The following NRG1 variants were observed in gnomAD, a reference collection of about 807,000 sequenced individuals.
The protein encoded by NRG1 is pro-neuregulin-1, membrane-bound isoform.
In NRG1, 18 loss-of-function variants were observed where a neutral mutation model predicts 63.8. The ratio of observed to expected loss-of-function variants is 0.28; its 90% CI spans 0.19 to 0.42. The LOEUF is 0.42. Ranked by LOEUF, NRG1 falls within the 10% of genes least tolerant of loss-of-function variation. The pLI, the probability that NRG1 is intolerant of heterozygous loss-of-function variation, is 1.00. For missense variants in NRG1, 762 were observed against 814.7 expected (o/e 0.94, Z 0.79); for synonymous variants, 302 against 301.3 (o/e 1.00, Z -0.02).
intron 11 of NRG1, among the ~76,000 whole-genome samples, chr8:32,762,471 C>T (rs1193168021): frequency 6.6e-6 from 1 of 152,106 alleles, no homozygotes; most frequent in Non-Finnish European, 1.5e-5. Flanking sequence ...ATTAGCATTT[C>T]TCAGAGAGCT....
At chr8:31,684,713 T>C (rs948856376) in intron 1 of NRG1, among the ~76,000 whole-genome samples, 4 of 152,156 alleles carry the variant, frequency 2.6e-5, no homozygotes, top group Admixed American at 2.0e-4. Context: ...TTACTGATCA[T>C]GTGCAGGACA....
At chr8:32,734,458 T>C (rs1466069525) in intron 6 of NRG1, among the ~76,000 whole-genome samples, 2 of 152,230 alleles carry the variant, frequency 1.3e-5, no homozygotes, top group Non-Finnish European at 2.9e-5. Context: ...TTTGTAGTAT[T>C]GCTGCTAACA....
intron 1 of NRG1, among the ~76,000 whole-genome samples, chr8:32,369,285 T>G (rs938886976): frequency 6.6e-6 from 1 of 152,260 alleles, no homozygotes; most frequent in African/African-American, 2.4e-5. Flanking sequence ...TCATTCATTG[T>G]GCAGTGTGGG....
chr8:32,421,431 A>T (rs1359615057), intron 1 of NRG1, among the ~76,000 whole-genome samples: 1 of 152,158 alleles, frequency 6.6e-6, no homozygotes, highest in Non-Finnish European at 1.5e-5. Context: ...TCTCTCTTTC[A>T]AATGGGAGAT....
At chr8:32,614,417 T>C in intron 3 of NRG1, 97 bp from the exon 4 acceptor site, 1 of 1,185,486 alleles carries the variant, frequency 8.4e-7, no homozygotes, top group Non-Finnish European at 1.3e-6. Flanking sequence ...AATACTTCCT[T>C]CCTTTACACT....
At chr8:32,499,889 A>G (rs1214513839) in intron 1 of NRG1, among the ~76,000 whole-genome samples, 2 of 152,130 alleles carry the variant, frequency 1.3e-5, no homozygotes, top group South Asian at 2.1e-4. Context: ...GAAAAGGGCA[A>G]TTGTGGTTCT....
intron 1 of NRG1, among the ~76,000 whole-genome samples, chr8:31,947,213 T>C (rs1443140079): frequency 1.9e-4 from 28 of 148,912 alleles, no homozygotes; most frequent in East Asian, 8.2e-4. Context: ...GGCAGGAGAA[T>C]GGCGTGAACC....
chr8:32,742,193 C>T lies in NRG1; in HGVS notation c.633-482C>T. 1.2e-6 allele frequency: 1 copy of T among 822,736 alleles called. No individual in the cohort carries two copies. The highest frequency in any genetic ancestry group is 1.5e-5 in the South Asian group (1 of 64,868). 51.0% of individuals were successfully genotyped at this position (822,736 alleles called of 1,614,324 possible). Reference sequence around the variant, plus strand: ...CATTTTGTTCTAATTATGGCTTAACCTCTCAAGGCATAAACCCATTCAGTG... The same window carrying T: ...CATTTTGTTCTAATTATGGCTTAACTTCTCAAGGCATAAACCCATTCAGTG... On this transcript the variant is annotated intron_variant, in intron 6 of 11. Transcript: ENST00000356819. The surrounding 1 kb of genome is among the most constrained non-coding windows in gnomAD (Gnocchi z 4.2).
chr8:32,628,553 A>C (rs554791014), intron 5 of NRG1, among the ~76,000 whole-genome samples: 1 of 152,212 alleles, frequency 6.6e-6, no homozygotes, highest in South Asian at 2.1e-4. Context: ...GTTTGGAGGG[A>C]AATAGATGAT....
At chr8:31,912,175 A>G (rs1408448772) in intron 1 of NRG1, among the ~76,000 whole-genome samples, 1 of 152,220 alleles carries the variant, frequency 6.6e-6, no homozygotes, top group Non-Finnish European at 1.5e-5. Context: ...AAATGCAATC[A>G]TGTATAGAAA....
At chr8:32,620,369 C>T (rs1164550682) in intron 5 of NRG1, among the ~76,000 whole-genome samples, 3 of 151,938 alleles carry the variant, frequency 2.0e-5, no homozygotes, top group Non-Finnish European at 4.4e-5. Context: ...ATTCAGCAAA[C>T]ATTTTATGTA....
intron 5 of NRG1, among the ~76,000 whole-genome samples, chr8:32,713,611 TAA>T (rs147503291): frequency 3.5e-5 from 5 of 143,884 alleles, no homozygotes; most frequent in Admixed American, 7.0e-5. Context: ...TGAGTAAGTT[TAA>T]AAAAAAAAAA....
intron 1 of NRG1, among the ~76,000 whole-genome samples, chr8:32,374,804 A>G (rs1809406155): frequency 6.6e-6 from 1 of 152,166 alleles, no homozygotes; most frequent in African/African-American, 2.4e-5. Context: ...TTACTAAGAA[A>G]ACAGGCCAGG....
chr8:32,271,441 G>A (rs532882274), intron 1 of NRG1, among the ~76,000 whole-genome samples: 8 of 152,278 alleles, frequency 5.3e-5, no homozygotes, highest in East Asian at 1.9e-4. Context: ...TTGTCACCAC[G>A]TAAATTCCTG....
At chr8:32,064,138 G>C (rs1232052004) in intron 1 of NRG1, among the ~76,000 whole-genome samples, 1 of 152,096 alleles carries the variant, frequency 6.6e-6, no homozygotes, top group East Asian at 1.9e-4. Flanking sequence ...CTGACCCAAA[G>C]GCTGAGTGTG....
At chr8:31,923,872 C>A (rs1287292160) in intron 1 of NRG1, among the ~76,000 whole-genome samples, 1 of 151,974 alleles carries the variant, frequency 6.6e-6, no homozygotes, top group Non-Finnish European at 1.5e-5. Context: ...CCACCCCTCA[C>A]CCCTCTAAGT....
intron 1 of NRG1, among the ~76,000 whole-genome samples, chr8:32,079,264 A>AT (rs960957474): frequency 6.6e-6 from 1 of 151,900 alleles, no homozygotes; most frequent in Non-Finnish European, 1.5e-5. Flanking sequence ...TTAGTACTAC[A>AT]TTTTTTTCAT....
At chr8:31,746,738 TA>T (rs1815912373) in intron 1 of NRG1, among the ~76,000 whole-genome samples, 1 of 151,900 alleles carries the variant, frequency 6.6e-6, no homozygotes, top group African/African-American at 2.4e-5. Context: ...TGACAGTAGC[TA>T]AGATTTGGGA....
chr8:32,601,519 G>T (rs1033699712), intron 2 of NRG1, among the ~76,000 whole-genome samples: 19 of 152,114 alleles, frequency 1.2e-4, no homozygotes, highest in Non-Finnish European at 2.5e-4. Context: ...TTTCCTGTAA[G>T]ACTTAGTTTT....
Sources: allele counts gnomAD v4.1 joint callset (sites outside exome capture counted in the v4.1 genomes callset), GRCh38; gene constraint gnomAD v4.1.1; non-coding constraint Gnocchi (gnomAD v3.1); transcripts MANE v1.5; gene names NCBI Gene and HGNC (gene_info 2026-07-23, HGNC 2026-07-21).